Variants in CDHR2 observed in about 807,000 individuals in gnomAD.
CDHR2 encodes cadherin related family member 2.
Under a neutral mutation model 138.6 loss-of-function variants are expected in CDHR2, and 104 were observed. The observed-to-expected ratio is 0.75, with a 90% confidence interval of 0.64 to 0.88. The LOEUF (loss-of-function observed/expected upper bound fraction) is 0.88, where lower values mean the gene tolerates loss of function less well. CDHR2 is among the 40% of genes least tolerant of loss of function. The pLI, the probability that CDHR2 is intolerant of heterozygous loss-of-function variation, is 0.00. For synonymous variants in CDHR2, 755 were observed against 742.8 expected, an observed-to-expected ratio of 1.02 and a Z score of -0.27; for missense variants, 1,624 against 1,727.6, an observed-to-expected ratio of 0.94 and a Z score of 1.06.
intron 5 of CDHR2, among the ~76,000 whole-genome samples, chr5:176,569,562 G>A (rs1267238576): frequency 1.3e-5 from 2 of 152,136 alleles, no homozygotes; most frequent in East Asian, 1.9e-4. Context: ...GATTACAGGC[G>A]TGAGCCACCA....
In CDHR2 at chr5:176,589,137, C is replaced by T. The variant is rs377336400; in HGVS notation, c.2963C>T (p.Ser988Leu). The change falls in exon 22 of 32, where the codon TCG becomes TTG. Residue 988 changes from serine to leucine, a missense_variant. Physicochemically the swap from Ser to Leu is moderately radical, Grantham distance 145 (BLOSUM62 -2). Around this residue, in one of 3 missense-constraint regions of CDHR2, gnomAD observed 556 missense variants for 565.7 expected, o/e 0.98. Transcript: ENST00000261944. Reference protein sequence around the residue: ...GATIPFQGVFSIFTSSEADVF... With the variant: ...GATIPFQGVFLIFTSSEADVF... ...ACCATCCCTTTCCAGGGTGTCTTCT[C>T]GATCTTCACCTCCTCCGAGGCCGAC... 33 of 1,613,978 alleles carry T rather than the reference C, an allele frequency of 2.0e-5. No homozygotes were observed. The highest frequency in any genetic ancestry group is 4.5e-5 in the East Asian group (2 of 44,892).
chr5:176,588,606 CAT>C (rs1301627688), intron 21 of CDHR2, among the ~76,000 whole-genome samples: 31 of 122,818 alleles, frequency 2.5e-4, no homozygotes, highest in Admixed American at 1.4e-3. Flanking sequence ...AGTGTGTGTG[CAT>C]ATGTGTGTAA....
At position 176,588,542 on chromosome 5, in the gene CDHR2, T is replaced by G. The variant is rs1051132524; in HGVS notation, c.2857-489T>G. Among the ~76,000 whole-genome samples the G allele has an allele frequency of 2.1e-3, 291 of 137,580 alleles. 1 individual carries two copies. Among genetic ancestry groups the G allele is most frequent in the Non-Finnish European group, 1.9e-3 (119 of 63,544 alleles). 90.3% of individuals were successfully genotyped at this position (137,580 alleles called of 152,430 possible). A position where few individuals can be genotyped will look rare whatever the true frequency, so the allele number is the denominator to read the frequency against. ...ATGTGTGTGAGTGTGTTAGGGTGAG[T>G]GAGTGTATGTGTGAGTGGGACAGTG... On this transcript the variant is annotated intron_variant, in intron 21 of 31. Transcript: ENST00000261944.
chr5:176,559,251 C>G (rs1757912491), intron 1 of CDHR2, among the ~76,000 whole-genome samples: 1 of 152,220 alleles, frequency 6.6e-6, no homozygotes. Flanking sequence ...AGGAATTAGA[C>G]TTCCCTTCTC....
chr5:176,562,231 G>C (rs529743173), intron 1 of CDHR2, among the ~76,000 whole-genome samples: 1 of 152,142 alleles, frequency 6.6e-6, no homozygotes, highest in South Asian at 2.1e-4. Context: ...TAGTTTGGTT[G>C]AGTGGGATGG....
At chr5:176,574,475 G>A (rs146023390) in intron 7 of CDHR2, among the ~76,000 whole-genome samples, 3,329 of 152,312 alleles carry the variant, frequency 0.022, 40 homozygotes, top group Non-Finnish European at 0.031. Flanking sequence ...CAGACTTGCT[G>A]TTGATAGCGC....
upstream of CDHR2, among the ~76,000 whole-genome samples, chr5:176,545,651 A>G (rs910203407): frequency 2.0e-5 from 3 of 152,188 alleles, no homozygotes; most frequent in Admixed American, 1.3e-4. Context: ...AAGGACACCA[A>G]TAGTGTGGGA....
chr5:176,558,767 A>G (rs949683995), intron 1 of CDHR2, among the ~76,000 whole-genome samples: 4 of 151,950 alleles, frequency 2.6e-5, no homozygotes, highest in Admixed American at 2.0e-4. Context: ...TGATCCGCCC[A>G]CCTCGGCCTC....
intron 1 of CDHR2, among the ~76,000 whole-genome samples, chr5:176,557,685 TTTTTCTTTC>T (rs1238467550): frequency 1.2e-4 from 5 of 41,444 alleles, no homozygotes; most frequent in Non-Finnish European, 1.0e-4. Flanking sequence ...TGTTGATTTT[TTTTTCTTTC>T]TTTCTTTCTT....
rs999984208 is a variant in CDHR2 at position 176,553,088 on chromosome 5, G to A, written c.-16+3674G>A. Reference sequence around the variant, plus strand: ...GGAGACACTTCCATGAGGGAGAAGCGTGGCGTGTATGGGGAAGGGGCTGTA... The same window carrying A: ...GGAGACACTTCCATGAGGGAGAAGCATGGCGTGTATGGGGAAGGGGCTGTA... On this transcript the variant is annotated intron_variant, in intron 1 of 31. Transcript: ENST00000261944. The surrounding 1 kb of genome is among the most constrained non-coding windows in gnomAD (Gnocchi z 4.3). Among the ~76,000 whole-genome samples the A allele has an allele frequency of 1.3e-5, 2 of 152,164 alleles. No individual in the cohort carries two copies. The highest frequency in any genetic ancestry group is 2.4e-5 in the African/African-American group (1 of 41,420).
intron 16 of CDHR2, among the ~76,000 whole-genome samples, chr5:176,579,891 C>T (rs963854879): frequency 1.3e-5 from 2 of 152,124 alleles, no homozygotes; most frequent in South Asian, 2.1e-4. Context: ...AGGAAGAGGG[C>T]GTCAGACAGT....
At chr5:176,588,440 TGTGTGA>T (rs1314041958) in intron 21 of CDHR2, among the ~76,000 whole-genome samples, 1 of 129,208 alleles carries the variant, frequency 7.7e-6, no homozygotes, top group Non-Finnish European at 1.8e-5. Flanking sequence ...TCAGGATAAG[TGTGTGA>T]GTGTGAGAGG....
At chr5:176,588,898 G>C (rs934192998) in intron 21 of CDHR2, 133 bp from the exon 22 acceptor site, 2 of 850,880 alleles carry the variant, frequency 2.4e-6, no homozygotes, top group Admixed American at 4.6e-5. Flanking sequence ...TTGCTTATTC[G>C]GGGCAGCGTG....
At chr5:176,579,613 A>T (rs1343950673) in intron 16 of CDHR2, among the ~76,000 whole-genome samples, 2 of 152,174 alleles carry the variant, frequency 1.3e-5, no homozygotes, top group African/African-American at 2.4e-5. Flanking sequence ...GCACCAAAGG[A>T]TGAGCAGACA....
intron 21 of CDHR2, 102 bp downstream of exon 21, chr5:176,586,944 A>C: frequency 1.1e-6 from 1 of 929,154 alleles, no homozygotes; most frequent in Non-Finnish European, 1.7e-6. Context: ...TATGGGCTCC[A>C]ACACATGAAA....
chr5:176,556,482 T>C lies in CDHR2; in HGVS notation c.-16+7068T>C, dbSNP rs370410371. 9.9e-4 allele frequency among the ~76,000 whole-genome samples: 150 copies of C among 152,268 alleles called. 1 individual carries two copies. In the South Asian group the frequency reaches 0.012, roughly 13 times the overall value. ...GAGATCGAGACCATCCCGGCTAACA[T>C]GGTGAAACCCAGTCTCTACTAAAAA... On this transcript the variant is annotated intron_variant, in intron 1 of 31. Transcript: ENST00000261944.
intron 1 of CDHR2, among the ~76,000 whole-genome samples, chr5:176,558,055 C>T (rs1757880963): frequency 6.6e-6 from 1 of 151,962 alleles, no homozygotes; most frequent in Non-Finnish European, 1.5e-5. Flanking sequence ...TATCTTACAG[C>T]CCATCACGCT....
chr5:176,562,117 G>A (rs1195229227), intron 1 of CDHR2, among the ~76,000 whole-genome samples: 1 of 152,146 alleles, frequency 6.6e-6, no homozygotes, highest in Non-Finnish European at 1.5e-5. Flanking sequence ...GTGGTCGAGG[G>A]TAGTCTTTGG....
chr5:176,545,438 G>T (rs1244498528), upstream of CDHR2, among the ~76,000 whole-genome samples: 1 of 152,106 alleles, frequency 6.6e-6, no homozygotes, highest in Non-Finnish European at 1.5e-5. Flanking sequence ...CACCGCACTC[G>T]GCCGAGAAGT....
Sources: allele counts gnomAD v4.1 joint callset (sites outside exome capture counted in the v4.1 genomes callset), GRCh38; gene constraint gnomAD v4.1.1; regional missense constraint gnomAD v4.1.1; non-coding constraint Gnocchi (gnomAD v3.1); transcripts MANE v1.5; gene names NCBI Gene and HGNC (gene_info 2026-07-23, HGNC 2026-07-21).